IMMP2L: variants seen among roughly 807,000 people sequenced by gnomAD.
IMMP2L encodes mitochondrial inner membrane protease subunit 2.
Under a neutral mutation model 19.3 loss-of-function variants are expected in IMMP2L, and 18 were observed. The ratio of observed to expected loss-of-function variants is 0.93; its 90% CI spans 0.64 to 1.38. The LOEUF is 1.38. Ranked by LOEUF, IMMP2L falls within the 40% of genes most tolerant of loss-of-function variation. IMMP2L has a pLI of 0.00. For missense variants in IMMP2L, 233 were observed against 218.2 expected, an observed-to-expected ratio of 1.07 and a Z score of -0.43; for synonymous variants, 76 against 73.0, an observed-to-expected ratio of 1.04 and a Z score of -0.21.
At chr7:110,673,760 C>T (rs887663429) in intron 5 of IMMP2L, among the ~76,000 whole-genome samples, 6 of 152,178 alleles carry the variant, frequency 3.9e-5, no homozygotes, top group Non-Finnish European at 8.8e-5. Context: ...ACCACCTCAG[C>T]CTAGATTTTA....
chr7:110,768,690 T>C (rs1286284292), intron 5 of IMMP2L, among the ~76,000 whole-genome samples: 2 of 152,182 alleles, frequency 1.3e-5, no homozygotes, highest in South Asian at 4.1e-4. Flanking sequence ...CAGACATCAC[T>C]GCAGGAAGGA....
intron 3 of IMMP2L, among the ~76,000 whole-genome samples, chr7:111,047,120 G>A (rs940190078): frequency 1.3e-5 from 2 of 152,008 alleles, no homozygotes; most frequent in African/African-American, 4.8e-5. Context: ...ACCTCTGCTG[G>A]GAATGTCTTT....
intron 3 of IMMP2L, among the ~76,000 whole-genome samples, chr7:111,307,510 A>C (rs912563308): frequency 9.2e-5 from 14 of 151,840 alleles, no homozygotes; most frequent in African/African-American, 3.4e-4. Context: ...AAAATATAGA[A>C]GGTTCCAGAG....
intron 3 of IMMP2L, among the ~76,000 whole-genome samples, chr7:111,445,615 G>A (rs1265607818): frequency 2.6e-5 from 4 of 152,176 alleles, no homozygotes; most frequent in African/African-American, 9.7e-5. Context: ...TAACGTTCTA[G>A]GTTTCAGATT....
intron 3 of IMMP2L, among the ~76,000 whole-genome samples, chr7:111,256,825 A>G (rs1314570027): frequency 6.6e-6 from 1 of 152,036 alleles, no homozygotes; most frequent in Non-Finnish European, 1.5e-5. Context: ...CATTTTCACA[A>G]TACCTGAATT....
chr7:110,809,304 T>C (rs893666488), intron 5 of IMMP2L, among the ~76,000 whole-genome samples: 14 of 151,988 alleles, frequency 9.2e-5, no homozygotes, highest in African/African-American at 3.1e-4. Context: ...ACAAATACTC[T>C]TAGACATTGG....
intron 3 of IMMP2L, among the ~76,000 whole-genome samples, chr7:111,097,474 G>T (rs560121843): frequency 4.0e-5 from 6 of 151,816 alleles, no homozygotes; most frequent in Admixed American, 3.9e-4. Context: ...TATTTTAGAG[G>T]ATTCATTCCT....
chr7:110,705,376 T>C (rs1562928565), intron 5 of IMMP2L, among the ~76,000 whole-genome samples: 2 of 152,162 alleles, frequency 1.3e-5, no homozygotes, highest in Admixed American at 1.3e-4. Context: ...GCATAGCACT[T>C]TCCTTATTTA....
chr7:110,829,993 T>C (rs1191201297), intron 5 of IMMP2L, among the ~76,000 whole-genome samples: 2 of 152,146 alleles, frequency 1.3e-5, no homozygotes, highest in Non-Finnish European at 2.9e-5. Flanking sequence ...GCGCTTTTTT[T>C]CCTGGGCATT....
At chr7:111,099,166 G>A (rs1797705695) in intron 3 of IMMP2L, among the ~76,000 whole-genome samples, 1 of 151,546 alleles carries the variant, frequency 6.6e-6, no homozygotes, top group Admixed American at 6.6e-5. Context: ...TTCACCTGAG[G>A]TCATGCAGTA....
intron 3 of IMMP2L, among the ~76,000 whole-genome samples, chr7:111,059,808 T>C (rs1042082567): frequency 3.9e-5 from 6 of 152,052 alleles, no homozygotes; most frequent in African/African-American, 1.2e-4. Flanking sequence ...TCTAAAAATA[T>C]GGCACTCTAC....
intron 3 of IMMP2L, among the ~76,000 whole-genome samples, chr7:111,354,229 A>G (rs1274819495): frequency 1.3e-5 from 2 of 152,038 alleles, no homozygotes; most frequent in Non-Finnish European, 2.9e-5. Flanking sequence ...ACCAAATAAG[A>G]TTTAATCCAG....
rs371649415 is a variant in IMMP2L at position 110,791,089 on chromosome 7, G to GA, written c.408+95503dup. ...TCATAACATTTACAGATACTGGGGG[G>GA]AAAAAATCACACTAAAAATCACAGT... is the stretch of plus-strand genomic sequence containing the variant. On this transcript the variant is annotated intron_variant, in intron 5 of 5. Transcript: ENST00000405709. Among the ~76,000 whole-genome samples, 68 of 151,470 alleles carry GA rather than the reference G, an allele frequency of 4.5e-4. 1 individual carries two copies. The highest frequency in any genetic ancestry group is 7.3e-4 in the African/African-American group (30 of 41,024).
At chr7:111,011,189 G>T (rs6975872) in intron 3 of IMMP2L, among the ~76,000 whole-genome samples, 2 of 152,060 alleles carry the variant, frequency 1.3e-5, no homozygotes, top group Non-Finnish European at 2.9e-5. Context: ...GTTGCCAGTG[G>T]AAAGAGAGAA....
At chr7:111,116,751 T>A (rs1375485754) in intron 3 of IMMP2L, among the ~76,000 whole-genome samples, 2 of 152,152 alleles carry the variant, frequency 1.3e-5, no homozygotes, top group Non-Finnish European at 2.9e-5. Context: ...GAGTGAAACT[T>A]TATTATCAAA....
intron 4 of IMMP2L, among the ~76,000 whole-genome samples, chr7:110,906,106 C>T (rs775090828): frequency 2.6e-5 from 4 of 152,072 alleles, no homozygotes; most frequent in South Asian, 2.1e-4. Context: ...GTTATCTCAC[C>T]ACATTTGACA....
chr7:110,769,161 T>G (rs1347634907), intron 5 of IMMP2L, among the ~76,000 whole-genome samples: 1 of 152,204 alleles, frequency 6.6e-6, no homozygotes, highest in African/African-American at 2.4e-5. Flanking sequence ...TCTAAATTAT[T>G]TTCTTGAATG....
chr7:110,851,539 A>G (rs1333340082), intron 5 of IMMP2L, among the ~76,000 whole-genome samples: 1 of 152,102 alleles, frequency 6.6e-6, no homozygotes, highest in East Asian at 1.9e-4. Flanking sequence ...CTTGATACTG[A>G]GCAGTGGTCA....
At chr7:111,446,669 C>A (rs933512698) in intron 3 of IMMP2L, among the ~76,000 whole-genome samples, 3 of 152,338 alleles carry the variant, frequency 2.0e-5, no homozygotes, top group Non-Finnish European at 4.4e-5. Context: ...TCCAAAGGAA[C>A]GCAGTTCCTC....
Sources: gnomAD v4.1 joint callset for allele counts (sites outside exome capture counted in the v4.1 genomes callset) on GRCh38, gnomAD v4.1.1 for gene constraint, MANE v1.5 for transcripts, NCBI Gene and HGNC (gene_info 2026-07-23, HGNC 2026-07-21) for gene names.